The following NTF3 variants were observed in gnomAD, a reference collection of about 807,000 sequenced individuals.
NTF3 encodes neurotrophin-3.
Under a neutral mutation model 26.3 loss-of-function variants are expected in NTF3, and 8 were observed. The ratio of observed to expected loss-of-function variants is 0.30; its 90% CI spans 0.18 to 0.55. The LOEUF is 0.55. NTF3 is among the 20% of genes least tolerant of loss of function. The pLI is 0.93. For synonymous variants in NTF3, 154 were observed against 145.5 expected (o/e 1.06, Z -0.42); for missense variants, 276 against 352.9 (o/e 0.78, Z 1.75).
chr12:5,449,532 A>G (rs549899388), intron 1 of NTF3, among the ~76,000 whole-genome samples: 94 of 152,212 alleles, frequency 6.2e-4, no homozygotes, highest in African/African-American at 2.2e-3. Context: ...GGGTTTTGCT[A>G]TTTTGCTGCC....
chr12:5,465,217 G>C (rs1029864354), intron 1 of NTF3, among the ~76,000 whole-genome samples: 1 of 152,238 alleles, frequency 6.6e-6, no homozygotes, highest in Admixed American at 6.5e-5. Context: ...AGAGGCCACT[G>C]TGGGCTGGAT....
At chr12:5,465,238 A>G (rs1940575128) in intron 1 of NTF3, among the ~76,000 whole-genome samples, 1 of 152,254 alleles carries the variant, frequency 6.6e-6, no homozygotes, top group African/African-American at 2.4e-5. Context: ...TGTTGGGGAC[A>G]GCTTCAGGGA....
At position 5,433,968 on chromosome 12, in the gene NTF3, C is replaced by T. The variant is rs1940134450; in HGVS notation, c.18+1626C>T. Among the ~76,000 whole-genome samples the T allele has an allele frequency of 6.6e-6, 1 of 152,116 alleles. No individual in the cohort carries two copies. Among genetic ancestry groups the T allele is most frequent in the African/African-American group, 2.4e-5 (1 of 41,400 alleles). On this transcript the variant is annotated intron_variant, in intron 1 of 1. Transcript: ENST00000423158. The surrounding 1 kb of genome is among the most constrained non-coding windows in gnomAD (Gnocchi z 4.6). ...CCTGCTTTTTAAATAAAGAGGTGCC[C>T]GCTCCTACCCCGCAAAACAGCGAAC...
At chr12:5,484,257 C>T (rs1401049343) in intron 1 of NTF3, among the ~76,000 whole-genome samples, 1 of 152,078 alleles carries the variant, frequency 6.6e-6, no homozygotes, top group Admixed American at 6.5e-5. Context: ...TACCACAATC[C>T]TAATAGAGTT....
chr12:5,481,500 A>ACACCACACACG (rs1940795748), intron 1 of NTF3, among the ~76,000 whole-genome samples: 1 of 149,114 alleles, frequency 6.7e-6, no homozygotes, highest in Non-Finnish European at 1.5e-5. Flanking sequence ...ACAGATACAC[A>ACACCACACACG]GAATACCACA....
intron 1 of NTF3, among the ~76,000 whole-genome samples, chr12:5,436,074 C>T (rs567524683): frequency 8.8e-4 from 134 of 152,246 alleles, no homozygotes; most frequent in African/African-American, 3.1e-3. Context: ...ACAAAGGTGT[C>T]GTTGATCGGG....
At chr12:5,492,491 A>G (rs1940950131) in intron 1 of NTF3, among the ~76,000 whole-genome samples, 1 of 152,180 alleles carries the variant, frequency 6.6e-6, no homozygotes, top group Admixed American at 6.5e-5. Context: ...TGGGCCTGTA[A>G]TATTGAAGAA....
rs1246812477 is a variant in NTF3 at position 5,433,060 on chromosome 12, G to T, written c.18+718G>T. ...TCACTGCCACGCGCCGCGTACCTGC[G>T]TTGGAGTTCCCCGAAAGGGTTTTTT... is the stretch of plus-strand genomic sequence containing the variant. On this transcript the variant is annotated intron_variant, in intron 1 of 1. Transcript: ENST00000423158. The surrounding 1 kb of genome is among the most constrained non-coding windows in gnomAD (Gnocchi z 4.6). 6.6e-6 allele frequency: 1 copy of T among 152,294 alleles called. No individual in the cohort carries two copies. The highest frequency in any genetic ancestry group is 1.9e-4 in the East Asian group (1 of 5,184). The allele number at this position is 152,294 out of a possible 1,614,324, so 9.4% of individuals were successfully genotyped here.
At chr12:5,432,078 G>A (rs1940098347), upstream of NTF3, 2 of 543,962 alleles carry the variant, frequency 3.7e-6, no homozygotes, top group African/African-American at 1.9e-5. Context: ...CGGGTTGGCT[G>A]GTTATAACCG....
At chr12:5,436,430 A>T (rs1243019023) in intron 1 of NTF3, among the ~76,000 whole-genome samples, 1 of 152,182 alleles carries the variant, frequency 6.6e-6, no homozygotes, top group Non-Finnish European at 1.5e-5. Context: ...GGAATGTCTT[A>T]GTTCTAGTCC....
At position 5,432,247 on chromosome 12, in the gene NTF3, G is replaced by A. The variant is rs1940100748; in HGVS notation, c.-78G>A. The A allele has an allele frequency of 4.0e-6, 6 of 1,503,370 alleles. No individual in the cohort carries two copies. The highest frequency in any genetic ancestry group is 2.7e-5 in the African/African-American group (2 of 72,772). The allele number at this position is 1,503,370 out of a possible 1,614,324, so 93.1% of individuals were successfully genotyped here. A position where few individuals can be genotyped will look rare whatever the true frequency, so the allele number is the denominator to read the frequency against. On this transcript the variant is annotated 5_prime_UTR_variant, in exon 1 of 2. Coordinates refer to ENST00000423158, the MANE Select transcript of NTF3 (RefSeq NM_001102654.2). Reference sequence around the variant, plus strand: ...GCTGGGTAGTGGCTGCGGCGGGGTGGGGGAGACTTTGAATGACCGAGCTCG... The same window carrying A: ...GCTGGGTAGTGGCTGCGGCGGGGTGAGGGAGACTTTGAATGACCGAGCTCG...
intron 1 of NTF3, among the ~76,000 whole-genome samples, chr12:5,486,684 G>A (rs1336281082): frequency 6.6e-6 from 1 of 152,200 alleles, no homozygotes; most frequent in Non-Finnish European, 1.5e-5. Flanking sequence ...AGCTGCCTAT[G>A]TCGCTGAAGC....
chr12:5,455,649 C>T (rs1025905658), intron 1 of NTF3, among the ~76,000 whole-genome samples: 1 of 152,022 alleles, frequency 6.6e-6, no homozygotes, highest in Non-Finnish European at 1.5e-5. Flanking sequence ...CACCTGCACC[C>T]TCGACAGTGA....
intron 1 of NTF3, among the ~76,000 whole-genome samples, chr12:5,465,995 G>T (rs1940584742): frequency 6.6e-6 from 1 of 152,204 alleles, no homozygotes. Flanking sequence ...ACTTGTAAGT[G>T]GTAGAGCTGG....
At position 5,434,014 on chromosome 12, in the gene NTF3, C is replaced by A. The variant is rs573625099; in HGVS notation, c.18+1672C>A. On this transcript the variant is annotated intron_variant, in intron 1 of 1. Transcript: ENST00000423158. The stretch of plus-strand genomic sequence containing the variant: ...CGAACGAGGAGAACATGGAAGCGCT[C>A]TGTCCTAAACGTCAGGATGGGAGAA... Among the ~76,000 whole-genome samples, 8 of 152,320 alleles carry A rather than the reference C, an allele frequency of 5.3e-5. No homozygotes were observed. In the South Asian group the frequency reaches 1.5e-3, roughly 28 times the overall value.
At chr12:5,484,555 CAGA>C (rs1940844598) in intron 1 of NTF3, among the ~76,000 whole-genome samples, 1 of 152,044 alleles carries the variant, frequency 6.6e-6, no homozygotes, top group African/African-American at 2.4e-5. Flanking sequence ...GGTTTTTTAG[CAGA>C]AGGATTCCTT....
chr12:5,469,610 A>G (rs1477108509), intron 1 of NTF3, among the ~76,000 whole-genome samples: 2 of 152,128 alleles, frequency 1.3e-5, no homozygotes, highest in Non-Finnish European at 2.9e-5. Flanking sequence ...TCTAGAACTA[A>G]CCCTGACCAG....
intron 1 of NTF3, among the ~76,000 whole-genome samples, chr12:5,452,217 T>C (rs1940382937): frequency 6.6e-6 from 1 of 151,156 alleles, no homozygotes; most frequent in African/African-American, 2.4e-5. Flanking sequence ...TGCCTCAGCC[T>C]CCCGAGTAGC....
chr12:5,444,681 C>T (rs886757169), intron 1 of NTF3, among the ~76,000 whole-genome samples: 2 of 151,850 alleles, frequency 1.3e-5, no homozygotes, highest in African/African-American at 4.8e-5. Flanking sequence ...TTTTTTTTCC[C>T]AGGGGCATGG....
Sources: allele counts gnomAD v4.1 joint callset (sites outside exome capture counted in the v4.1 genomes callset), GRCh38; gene constraint gnomAD v4.1.1; non-coding constraint Gnocchi (gnomAD v3.1); transcripts MANE v1.5; gene names NCBI Gene and HGNC (gene_info 2026-07-23, HGNC 2026-07-21).